The following CTBP2 variants were observed in gnomAD, a reference collection of about 807,000 sequenced individuals.
CTBP2 encodes C-terminal-binding protein 2.
Under a neutral mutation model 80.3 loss-of-function variants are expected in CTBP2, and 30 were observed. The observed-to-expected ratio is 0.37, with a 90% CI of 0.28 to 0.51. CTBP2 has a LOEUF of 0.51. Ranked by LOEUF, CTBP2 falls within the 20% of genes least tolerant of loss-of-function variation. The pLI, the probability that CTBP2 is intolerant of heterozygous loss-of-function variation, is 0.93. For synonymous variants in CTBP2, 594 were observed against 587.4 expected (o/e 1.01, Z -0.16); for missense variants, 1,212 against 1,375.3 (o/e 0.88, Z 1.88).
chr10:125,020,624 G>A (rs917257378), intron 1 of CTBP2, among the ~76,000 whole-genome samples: 2 of 152,126 alleles, frequency 1.3e-5, no homozygotes, highest in Admixed American at 6.5e-5. Flanking sequence ...AGCAAGCGCC[G>A]ACCTCATTCA....
At chr10:125,045,399 T>C (rs573081875) in intron 2 of CTBP2, among the ~76,000 whole-genome samples, 37 of 152,220 alleles carry the variant, frequency 2.4e-4, no homozygotes, top group African/African-American at 8.7e-4. Context: ...TTTAGTTTTA[T>C]GTTTTTGGGA....
chr10:125,024,577 C>G (rs1957360663), intron 1 of CTBP2, among the ~76,000 whole-genome samples: 1 of 152,192 alleles, frequency 6.6e-6, no homozygotes, highest in African/African-American at 2.4e-5. Context: ...TCGGCAAAAC[C>G]TTTCCACGAC....
chr10:125,099,986 T>TG (rs997376379), intron 2 of CTBP2, among the ~76,000 whole-genome samples: 11 of 151,972 alleles, frequency 7.2e-5, no homozygotes, highest in Admixed American at 2.6e-4. Context: ...TGCCAAGTCC[T>TG]GGGGGGGCGG....
Position 124,989,564 on chromosome 10 carries a change from T to C in CTBP2, c.2912A>G (p.Gln971Arg). ...TCGATTGTCCCCGTGTTTTGTGGGCTGGTTGGGAGAGGGCGCTTGGGAAGG... is the reference window on the plus strand; with the variant it reads ...TCGATTGTCCCCGTGTTTTGTGGGCCGGTTGGGAGAGGGCGCTTGGGAAGG... The change falls in exon 9 of 9, where the codon CAG becomes CGG. Residue 971 changes from glutamine to arginine, a missense_variant. This residue lies in a region of CTBP2 where 335 missense variants were observed against 504.7 expected (regional missense o/e 0.66). Coordinates refer to ENST00000309035, the MANE Select transcript of CTBP2 (RefSeq NM_022802.3). 6.2e-7 allele frequency: 1 copy of C among 1,613,618 alleles called. No homozygotes were observed. Among genetic ancestry groups the C allele is most frequent in the Non-Finnish European group, 8.5e-7 (1 of 1,179,852 alleles).
chr10:124,999,312 C>T (rs1954102295), intron 3 of CTBP2: 1 of 152,100 alleles, frequency 6.6e-6, no homozygotes, highest in African/African-American at 2.4e-5. Context: ...GTGCCCAAGG[C>T]ACTGGGACAG....
intron 2 of CTBP2, among the ~76,000 whole-genome samples, chr10:125,052,223 A>G (rs1357376072): frequency 6.6e-6 from 1 of 152,162 alleles, no homozygotes; most frequent in Non-Finnish European, 1.5e-5. Flanking sequence ...GCTTTATTAA[A>G]AAGCTCCAAG....
intron 2 of CTBP2, among the ~76,000 whole-genome samples, chr10:125,102,474 T>G (rs1244948626): frequency 1.3e-5 from 2 of 152,230 alleles, no homozygotes; most frequent in African/African-American, 4.8e-5. Context: ...CTTTCCGGCC[T>G]TCAGCAGGCC....
At position 125,008,016 on chromosome 10, in the gene CTBP2, C is replaced by T. The variant is rs2028399; in HGVS notation, c.1679-4524G>A. Among the ~76,000 whole-genome samples, 63 of 151,812 alleles carry T rather than the reference C, an allele frequency of 4.1e-4. 1 individual carries two copies. The South Asian group carries it at 0.01, about 25-fold the overall frequency. On this transcript the variant is annotated intron_variant, in intron 1 of 8. Transcript: ENST00000309035. Reference sequence around the variant, plus strand: ...GGCTGGAATGCAGTGGCACGATCTCCGCTCACTGCAACCTCCACCTCCCAG... The same window carrying T: ...GGCTGGAATGCAGTGGCACGATCTCTGCTCACTGCAACCTCCACCTCCCAG...
intron 1 of CTBP2, among the ~76,000 whole-genome samples, chr10:125,024,187 A>G (rs1356794567): frequency 6.6e-6 from 1 of 152,220 alleles, no homozygotes; most frequent in East Asian, 1.9e-4. Context: ...ACAGCCATGT[A>G]CACAGCTGAA....
At chr10:125,042,536 CA>C (rs1325210285) in intron 2 of CTBP2, among the ~76,000 whole-genome samples, 10 of 152,314 alleles carry the variant, frequency 6.6e-5, no homozygotes, top group African/African-American at 1.4e-4. Flanking sequence ...CAAATCATGC[CA>C]GGGGCGGAAT....
intron 1 of CTBP2, among the ~76,000 whole-genome samples, chr10:125,024,821 C>T (rs1327022334): frequency 1.3e-5 from 2 of 152,090 alleles, no homozygotes; most frequent in Non-Finnish European, 2.9e-5. Flanking sequence ...CCTCCTGCCG[C>T]ACATGTATTT....
At chr10:125,082,441 C>T (rs1243525895) in intron 2 of CTBP2, among the ~76,000 whole-genome samples, 2 of 152,126 alleles carry the variant, frequency 1.3e-5, no homozygotes, top group African/African-American at 2.4e-5. Context: ...CTTGTACTTC[C>T]CACTAAAATC....
chr10:125,042,518 T>C (rs770457530), intron 2 of CTBP2, among the ~76,000 whole-genome samples: 6 of 152,182 alleles, frequency 3.9e-5, no homozygotes, highest in Non-Finnish European at 7.3e-5. Flanking sequence ...TCTGCTGAAA[T>C]TGTTCCTCAA....
intron 1 of CTBP2, among the ~76,000 whole-genome samples, chr10:125,011,917 C>T (rs562074134): frequency 4.8e-4 from 73 of 152,324 alleles, no homozygotes; most frequent in African/African-American, 1.6e-3. Context: ...GTTCAGGCTC[C>T]GTCACCTTCA....
At chr10:125,089,168 T>G (rs1055740588) in intron 2 of CTBP2, among the ~76,000 whole-genome samples, 3 of 152,146 alleles carry the variant, frequency 2.0e-5, no homozygotes, top group Non-Finnish European at 4.4e-5. Context: ...GCTGCAAACA[T>G]TTTTTTACTT....
intron 2 of CTBP2, among the ~76,000 whole-genome samples, chr10:125,073,779 T>C (rs1009955669): frequency 1.3e-5 from 2 of 152,224 alleles, no homozygotes; most frequent in Admixed American, 6.5e-5. Context: ...ACACATAAAA[T>C]GGCCAGCATC....
At chr10:125,099,703 G>C (rs901715469) in intron 2 of CTBP2, among the ~76,000 whole-genome samples, 10 of 152,232 alleles carry the variant, frequency 6.6e-5, no homozygotes, top group African/African-American at 2.4e-4. Flanking sequence ...AAGCTACCAG[G>C]GGAGGTGGCA....
In CTBP2 at chr10:125,002,736, C is replaced by T. The variant is rs143395407; in HGVS notation, c.1978+224G>A. Among the ~76,000 whole-genome samples, 593 of 152,320 alleles carry T rather than the reference C, an allele frequency of 3.9e-3. 3 individuals carry two copies. The highest frequency in any genetic ancestry group is 0.014 in the African/African-American group (565 of 41,578). ...TTGCTCTGAGGGCAGAGATGCCTCA[C>T]AGCCCCGCAGACCCCACACAAGGGC... On this transcript the variant is annotated intron_variant, in intron 3 of 8. Transcript: ENST00000309035.
At chr10:125,150,863 A>G (rs947710651) in intron 1 of CTBP2, among the ~76,000 whole-genome samples, 3 of 149,308 alleles carry the variant, frequency 2.0e-5, no homozygotes, top group Non-Finnish European at 3.0e-5. Flanking sequence ...TGGAAGCCTG[A>G]GGCAGGCCCC....
Sources: gnomAD v4.1 joint callset for allele counts (sites outside exome capture counted in the v4.1 genomes callset) on GRCh38, gnomAD v4.1.1 for gene constraint, gnomAD v4.1.1 regional missense constraint, MANE v1.5 for transcripts, NCBI Gene and HGNC (gene_info 2026-07-23, HGNC 2026-07-21) for gene names.